Variants in NTRK3 observed in about 807,000 individuals in gnomAD.
The protein encoded by NTRK3 is NT-3 growth factor receptor.
A neutral mutation model predicts 91.7 loss-of-function variants in NTRK3; 24 were observed. The observed-to-expected ratio is 0.26, with a 90% confidence interval of 0.19 to 0.37. The LOEUF is 0.37. Ranked by LOEUF, NTRK3 falls within the 10% of genes least tolerant of loss-of-function variation. NTRK3 has a pLI of 1.00. For synonymous variants in NTRK3, 483 were observed against 404.0 expected, an observed-to-expected ratio of 1.20 and a Z score of -2.34; for missense variants, 880 against 1,068.9, an observed-to-expected ratio of 0.82 and a Z score of 2.46.
intron 13 of NTRK3, among the ~76,000 whole-genome samples, chr15:88,120,511 C>G (rs1015290438): frequency 2.0e-5 from 3 of 152,194 alleles, no homozygotes; most frequent in African/African-American, 7.2e-5. Flanking sequence ...GCCCAAGCAG[C>G]AGTTCTTGAT....
At chr15:88,075,960 C>T (rs945654184) in intron 13 of NTRK3, among the ~76,000 whole-genome samples, 1 of 152,218 alleles carries the variant, frequency 6.6e-6, no homozygotes, top group African/African-American at 2.4e-5. Context: ...GAGCCTGGCA[C>T]ACACTCAGCT....
At chr15:87,877,183 A>T (rs2064987595) in intron 18 of NTRK3, 63 bp from the exon 20 acceptor site, 1 of 1,568,008 alleles carries the variant, frequency 6.4e-7, no homozygotes, top group Non-Finnish European at 8.7e-7. Flanking sequence ...TGTGGCTCAG[A>T]CTCGGCAAAA....
At chr15:87,896,217 A>G (rs1476388980) in intron 17 of NTRK3, among the ~76,000 whole-genome samples, 2 of 152,194 alleles carry the variant, frequency 1.3e-5, no homozygotes, top group Non-Finnish European at 2.9e-5. Context: ...TCACGCCTGT[A>G]ATCCCAGCAC....
exon 2 of NTRK3, chr15:88,256,398 G>T (rs1378708017): frequency 1.5e-5 from 9 of 599,996 alleles, no homozygotes; most frequent in Non-Finnish European, 2.6e-5. Flanking sequence ...CTAGTGGCGC[G>T]GTCTGCCGGG....
intron 3 of NTRK3, among the ~76,000 whole-genome samples, chr15:88,224,045 C>T (rs1275401161): frequency 6.6e-6 from 1 of 152,184 alleles, no homozygotes; most frequent in Non-Finnish European, 1.5e-5. Context: ...GGCCCGGGGC[C>T]GGAGACCTAT....
rs770423130 is a variant in NTRK3 at position 88,184,209 on chromosome 15, G to A, written c.323+16C>T. 1.9e-6 allele frequency: 3 copies of A among 1,613,792 alleles called. No individual in the cohort carries two copies. The South Asian group carries it at 3.3e-5, about 18-fold the overall frequency. ...CTTCCACAGGGAAAGGCCTCTCTGT[G>A]GCCGGGTGTACTCACAGCTTTTGAA... On this transcript the variant is annotated intron_variant, in intron 4 of 18. Transcript: ENST00000394480.
chr15:88,217,764 A>ATTTTT (rs57874235), intron 3 of NTRK3, among the ~76,000 whole-genome samples: 106,639 of 143,486 alleles, frequency 0.74, 42,358 homozygotes, highest in East Asian at 0.93. Flanking sequence ...TTGTAGCACA[A>ATTTTT]TTTTTTTTTT....
chr15:88,163,534 C>T (rs539535808), intron 5 of NTRK3, among the ~76,000 whole-genome samples: 3 of 152,326 alleles, frequency 2.0e-5, no homozygotes, highest in East Asian at 3.9e-4. Context: ...CTAGCTGCCT[C>T]TTGAATGGAG....
In NTRK3 at chr15:88,072,670, G is replaced by A. The variant is rs1597136952; in HGVS notation, c.1397-39625C>T. 4 of 232,730 alleles carry A rather than the reference G, an allele frequency of 1.7e-5. No individual in the cohort carries two copies. In the East Asian group the frequency reaches 2.4e-4, roughly 14 times the overall value. The allele number at this position is 232,730 out of a possible 1,614,324, so 14.4% of individuals were successfully genotyped here. On this transcript the variant is annotated intron_variant, in intron 13 of 18. Transcript: ENST00000394480. ...CAATTTGATGAGACACCCTTGGTTT[G>A]AAGAATTCAGGGAAGTTGTACCAAG...
Position 88,136,054 on chromosome 15 carries a change from T to C in NTRK3, c.766-14A>G, listed in dbSNP as rs147017819. 3.3e-4 allele frequency: 526 copies of C among 1,614,134 alleles called. 8 individuals carry two copies. In the East Asian group the frequency reaches 0.01, roughly 32 times the overall value. ...GTTCAGATTGGTCTGAAAACCCCAATAAAAAGATAACAATCAGATAGCTTC... is the reference window on the plus strand; with the variant it reads ...GTTCAGATTGGTCTGAAAACCCCAACAAAAAGATAACAATCAGATAGCTTC... On this transcript the variant is annotated splice_polypyrimidine_tract_variant and intron_variant, in intron 8 of 18. Transcript: ENST00000394480.
intron 14 of NTRK3, among the ~76,000 whole-genome samples, chr15:87,971,041 T>C (rs976771373): frequency 1.3e-5 from 2 of 152,220 alleles, no homozygotes; most frequent in African/African-American, 4.8e-5. Context: ...AGAGGTACTG[T>C]GTAGCAATCT....
intron 17 of NTRK3, among the ~76,000 whole-genome samples, chr15:87,903,583 T>A (rs2066581091): frequency 6.6e-6 from 1 of 152,198 alleles, no homozygotes; most frequent in Non-Finnish European, 1.5e-5. Context: ...GTTCAAAGAT[T>A]AATTACTATT....
intron 14 of NTRK3, among the ~76,000 whole-genome samples, chr15:88,029,816 G>C (rs932255234): frequency 5.3e-5 from 8 of 152,164 alleles, no homozygotes; most frequent in African/African-American, 1.9e-4. Flanking sequence ...GATGTGTCTT[G>C]GAGTCTGTTC....
rs552400787 is a variant in NTRK3, at chr15:88,220,265, A to C, written c.248+35641T>G. 3.3e-5 allele frequency among the ~76,000 whole-genome samples: 5 copies of C among 152,286 alleles called. No individual in the cohort carries two copies. In the South Asian group the frequency reaches 1.0e-3, roughly 32 times the overall value. ...GCTCATGCATTTCTTGGGGTTGTGG[A>C]GTCCCATGGCAGGGGTCCTACTGTA... On this transcript the variant is annotated intron_variant, in intron 3 of 18. Coordinates refer to ENST00000394480, the Ensembl canonical transcript of NTRK3.
Position 88,239,827 on chromosome 15 carries a change from G to A in NTRK3, c.248+16079C>T, listed in dbSNP as rs115268019. Among the ~76,000 whole-genome samples, 799 of 152,294 alleles carry A rather than the reference G, an allele frequency of 5.2e-3. 4 individuals are homozygous for A. The highest frequency in any genetic ancestry group is 0.019 in the African/African-American group (773 of 41,558). ...CCCGCCTCTGATCTCACTCCAGGGAGTACAGTGTGAAAGCCATCAATATCA... is the reference window on the plus strand; with the variant it reads ...CCCGCCTCTGATCTCACTCCAGGGAATACAGTGTGAAAGCCATCAATATCA... On this transcript the variant is annotated intron_variant, in intron 3 of 18. Coordinates refer to ENST00000394480, the Ensembl canonical transcript of NTRK3.
intron 17 of NTRK3, among the ~76,000 whole-genome samples, chr15:87,893,438 G>A (rs1198479344): frequency 6.6e-6 from 1 of 152,208 alleles, no homozygotes; most frequent in African/African-American, 2.4e-5. Flanking sequence ...GGGGCAGAAT[G>A]CCCCGCATGG....
intron 17 of NTRK3, among the ~76,000 whole-genome samples, chr15:87,922,249 G>T (rs953702893): frequency 6.6e-6 from 1 of 152,200 alleles, no homozygotes; most frequent in Admixed American, 6.5e-5. Flanking sequence ...TTGAAGGCAA[G>T]AACTCACTGG....
At chr15:87,908,551 G>A (rs2066905687) in intron 17 of NTRK3, 1 of 399,406 alleles carries the variant, frequency 2.5e-6, no homozygotes, top group Non-Finnish European at 4.4e-6. Context: ...GGGCCCTTCT[G>A]GCATGGCCCT....
intron 14 of NTRK3, chr15:87,981,276 T>C (rs1472354184): frequency 3.8e-6 from 6 of 1,592,312 alleles, no homozygotes; most frequent in Non-Finnish European, 5.2e-6. Context: ...AGGTTCCTCA[T>C]ATATATAGTG....
Sources: allele counts gnomAD v4.1 joint callset (sites outside exome capture counted in the v4.1 genomes callset), GRCh38; gene constraint gnomAD v4.1.1; transcripts MANE v1.5; gene names NCBI Gene and HGNC (gene_info 2026-07-23, HGNC 2026-07-21).